ROBO2: variants seen among roughly 807,000 people sequenced by gnomAD.
ROBO2 encodes roundabout guidance receptor 2.
In ROBO2, 53 loss-of-function variants were observed where a neutral mutation model predicts 160.8. That is an observed-to-expected ratio of 0.33 (90% CI 0.26 to 0.41). The LOEUF is 0.41. ROBO2 is among the 10% of genes least tolerant of loss of function. The pLI, the probability that ROBO2 is intolerant of heterozygous loss-of-function variation, is 1.00. For missense variants in ROBO2, 1,577 were observed against 1,722.4 expected (o/e 0.92, Z 1.49); for synonymous variants, 664 against 611.7 (o/e 1.09, Z -1.26).
intron 2 of ROBO2, among the ~76,000 whole-genome samples, chr3:77,281,618 A>G (rs1380892866): frequency 6.6e-6 from 1 of 152,162 alleles, no homozygotes; most frequent in African/African-American, 2.4e-5. Flanking sequence ...CAAGTCTCTG[A>G]TATAAAATAA....
chr3:75,986,413 G>T (rs2065416104), intron 2 of ROBO2, among the ~76,000 whole-genome samples: 1 of 151,064 alleles, frequency 6.6e-6, no homozygotes, highest in Non-Finnish European at 1.5e-5. Context: ...TTTTGTTGAT[G>T]AGTTTTAAAA....
At chr3:77,455,129 CA>C in intron 2 of ROBO2, among the ~76,000 whole-genome samples, 1 of 152,144 alleles carries the variant, frequency 6.6e-6, no homozygotes, top group Non-Finnish European at 1.5e-5. Flanking sequence ...GACCCCAAAA[CA>C]GTACATTTAA....
chr3:77,572,362 C>T (rs908752432), intron 13 of ROBO2, among the ~76,000 whole-genome samples: 4 of 151,866 alleles, frequency 2.6e-5, no homozygotes, highest in Admixed American at 6.6e-5. Flanking sequence ...TTTAACTTTT[C>T]GCCTCTTGGT....
chr3:76,935,854 G>C (rs1051298854), intron 2 of ROBO2, among the ~76,000 whole-genome samples: 10 of 152,078 alleles, frequency 6.6e-5, no homozygotes. Context: ...TTTTTAATAT[G>C]AGCACTAATC....
chr3:77,214,208 G>T (rs2151127403), intron 2 of ROBO2, among the ~76,000 whole-genome samples: 1 of 152,214 alleles, frequency 6.6e-6, no homozygotes, highest in Non-Finnish European at 1.5e-5. Context: ...TATTGTGTGG[G>T]ATTCTAAGTC....
chr3:77,340,004 T>C (rs565542567), intron 2 of ROBO2, among the ~76,000 whole-genome samples: 4 of 152,088 alleles, frequency 2.6e-5, no homozygotes, highest in African/African-American at 7.2e-5. Flanking sequence ...ATCTGAATTG[T>C]TCAATTTCCT....
chr3:76,843,965 G>A (rs1439187279), intron 2 of ROBO2, among the ~76,000 whole-genome samples: 1 of 151,956 alleles, frequency 6.6e-6, no homozygotes, highest in Non-Finnish European at 1.5e-5. Context: ...AGAAAATAAG[G>A]TGGGATTTTT....
At chr3:77,166,761 C>G (rs1470139052) in intron 2 of ROBO2, among the ~76,000 whole-genome samples, 1 of 152,016 alleles carries the variant, frequency 6.6e-6, no homozygotes, top group Non-Finnish European at 1.5e-5. Context: ...GGTGTTTCAC[C>G]GGTTAGCCAG....
At chr3:76,522,560 T>C (rs1240300554) in intron 2 of ROBO2, among the ~76,000 whole-genome samples, 1 of 152,184 alleles carries the variant, frequency 6.6e-6, no homozygotes, top group Non-Finnish European at 1.5e-5. Context: ...TACACGGTGT[T>C]TTTAAGTACA....
chr3:76,340,977 G>A (rs2074187454), intron 2 of ROBO2, among the ~76,000 whole-genome samples: 1 of 152,086 alleles, frequency 6.6e-6, no homozygotes, highest in Non-Finnish European at 1.5e-5. Context: ...TATCTCATTT[G>A]TTTTGTGAAT....
At chr3:77,632,913 C>T (rs1191707773) in intron 23 of ROBO2, 2 of 301,108 alleles carry the variant, frequency 6.6e-6, no homozygotes, top group Non-Finnish European at 1.2e-5. Context: ...GAATATGCTT[C>T]CTTTTTATAT....
intron 2 of ROBO2, among the ~76,000 whole-genome samples, chr3:77,002,947 C>T (rs1024258719): frequency 2.0e-5 from 3 of 150,844 alleles, no homozygotes; most frequent in Admixed American, 1.3e-4. Context: ...TAGAAATACA[C>T]TGTAATTAAG....
At chr3:77,098,045 G>C (rs199878362) in exon 2 of ROBO2, 15 of 1,583,960 alleles carry the variant, frequency 9.5e-6, no homozygotes, top group Non-Finnish European at 1.3e-5. Flanking sequence ...ACTTTCCCCC[G>C]CGGATTGTGG....
intron 19 of ROBO2, among the ~76,000 whole-genome samples, chr3:77,600,883 T>G (rs781269048): frequency 2.3e-4 from 35 of 152,226 alleles, no homozygotes; most frequent in Non-Finnish European, 4.3e-4. Context: ...TAATGTTATT[T>G]GCTTATACAA....
At chr3:77,017,470 C>T (rs1322976601) in intron 2 of ROBO2, among the ~76,000 whole-genome samples, 1 of 152,108 alleles carries the variant, frequency 6.6e-6, no homozygotes, top group Non-Finnish European at 1.5e-5. Context: ...TGGTTTTCTT[C>T]CACAATTATT....
At chr3:76,022,603 A>T (rs1349581004) in intron 2 of ROBO2, among the ~76,000 whole-genome samples, 1 of 151,878 alleles carries the variant, frequency 6.6e-6, no homozygotes, top group Non-Finnish European at 1.5e-5. Flanking sequence ...ATGAACAGCA[A>T]TATTTTGAAA....
At chr3:77,015,737 G>A (rs2062198576) in intron 2 of ROBO2, among the ~76,000 whole-genome samples, 1 of 152,054 alleles carries the variant, frequency 6.6e-6, no homozygotes, top group Non-Finnish European at 1.5e-5. Flanking sequence ...TCCTATTGCT[G>A]GGTTCTCCAG....
chr3:76,361,458 A>G (rs1459352241), intron 2 of ROBO2, among the ~76,000 whole-genome samples: 1 of 152,144 alleles, frequency 6.6e-6, no homozygotes, highest in African/African-American at 2.4e-5. Context: ...TGAAATTTTC[A>G]TTATGCTTAT....
intron 2 of ROBO2, among the ~76,000 whole-genome samples, chr3:76,604,638 G>T (rs889426023): frequency 1.3e-5 from 2 of 151,962 alleles, no homozygotes; most frequent in Non-Finnish European, 2.9e-5. Context: ...TTAATAATTA[G>T]ATCTGGACCA....
Sources: gnomAD v4.1 joint callset for allele counts (sites outside exome capture counted in the v4.1 genomes callset) on GRCh38, gnomAD v4.1.1 for gene constraint, MANE v1.5 for transcripts, NCBI Gene and HGNC (gene_info 2026-07-23, HGNC 2026-07-21) for gene names.